Variants in SFXN1 observed in about 807,000 individuals in gnomAD.
The protein encoded by SFXN1 is sideroflexin 1.
In SFXN1, 32 loss-of-function variants were observed where a neutral mutation model predicts 39.5. The ratio of observed to expected loss-of-function variants is 0.81; its 90% confidence interval spans 0.61 to 1.09. The LOEUF (loss-of-function observed/expected upper bound fraction) is 1.09. Among genes scored for constraint, SFXN1 ranks in the 50% least tolerant of loss-of-function variants. SFXN1 has a pLI of 0.00. For synonymous variants in SFXN1, 136 were observed against 146.5 expected, an observed-to-expected ratio of 0.93 and a Z score of 0.52; for missense variants, 402 against 407.1, an observed-to-expected ratio of 0.99 and a Z score of 0.11.
chr5:175,517,952 G>T (rs974969175), intron 8 of SFXN1, among the ~76,000 whole-genome samples: 10 of 152,044 alleles, frequency 6.6e-5, no homozygotes, highest in African/African-American at 2.4e-4. Flanking sequence ...AGACTCCTCC[G>T]CAAACATGAA....
intron 2 of SFXN1, among the ~76,000 whole-genome samples, chr5:175,507,268 T>C (rs1760342569): frequency 6.6e-6 from 1 of 152,120 alleles, no homozygotes; most frequent in Admixed American, 6.6e-5. Flanking sequence ...CCGTTTGGCA[T>C]TTGAACTAAT....
chr5:175,492,298 G>A (rs1759688905), intron 2 of SFXN1, 31 bp downstream of exon 2: 3 of 1,530,848 alleles, frequency 2.0e-6, no homozygotes, highest in Non-Finnish European at 2.6e-6. Flanking sequence ...TTGGTTTAAT[G>A]TATAAATAGA....
At chr5:175,482,160 A>G (rs1759277650) in intron 1 of SFXN1, among the ~76,000 whole-genome samples, 1 of 152,214 alleles carries the variant, frequency 6.6e-6, no homozygotes, top group African/African-American at 2.4e-5. Context: ...GTGTTCCGTC[A>G]TGTCCCCTGG....
rs533884003 is a variant in SFXN1, at chr5:175,485,348, G to T, written c.-10+6709G>T. On this transcript the variant is annotated intron_variant, in intron 1 of 10. Transcript: ENST00000321442. ...GAGGTCAGAAGTCTAGAACAAGTGGGCCTTCCTTCTGGAGGCTCTAGGGCA... is the reference window on the plus strand; with the variant it reads ...GAGGTCAGAAGTCTAGAACAAGTGGTCCTTCCTTCTGGAGGCTCTAGGGCA... 3.3e-5 allele frequency among the ~76,000 whole-genome samples: 5 copies of T among 152,306 alleles called. No homozygotes were observed. The South Asian group carries it at 1.0e-3, about 32-fold the overall frequency.
At chr5:175,526,527 C>T (rs555290467) in intron 10 of SFXN1, 111 bp from the exon 11 acceptor site, 3 of 751,092 alleles carry the variant, frequency 4.0e-6, no homozygotes, top group African/African-American at 1.7e-5. Flanking sequence ...CCAACAAGAC[C>T]CACTGTACCA....
intron 10 of SFXN1, among the ~76,000 whole-genome samples, chr5:175,525,610 ATTTTTTTATTGT>A (rs1761035610): frequency 6.6e-6 from 1 of 151,940 alleles, no homozygotes; most frequent in Non-Finnish European, 1.5e-5. Context: ...ATATTAATCA[ATTTTTTTATTGT>A]TTTTGAGGCA....
intron 10 of SFXN1, 200 bp downstream of exon 10, chr5:175,522,622 T>A (rs1042613293): frequency 2.0e-6 from 1 of 492,826 alleles, no homozygotes; most frequent in South Asian, 3.5e-5. Flanking sequence ...AGCTCTTTTC[T>A]ACCCCCTTCC....
intron 1 of SFXN1, among the ~76,000 whole-genome samples, chr5:175,487,746 G>T (rs11956235): frequency 6.6e-6 from 1 of 152,168 alleles, no homozygotes; most frequent in South Asian, 2.1e-4. Flanking sequence ...TCTGCTGCCC[G>T]CTGGACATCT....
chr5:175,521,882 A>G (rs1163265547), intron 8 of SFXN1, 37 bp from the exon 9 acceptor site: 7 of 1,556,202 alleles, frequency 4.5e-6, no homozygotes, highest in African/African-American at 1.3e-5. Flanking sequence ...AAGACCCTGT[A>G]TAAAAAGTAT....
At chr5:175,507,974 A>AAAATAAAAT (rs1491250710) in intron 2 of SFXN1, among the ~76,000 whole-genome samples, 4 of 34,958 alleles carry the variant, frequency 1.1e-4, no homozygotes, top group African/African-American at 3.4e-4. Flanking sequence ...CCCTGTCTTT[A>AAAATAAAAT]AAAAAAAAAA....
chr5:175,515,753 G>T (rs1179529358), intron 7 of SFXN1, among the ~76,000 whole-genome samples: 6 of 152,290 alleles, frequency 3.9e-5, no homozygotes, highest in South Asian at 2.1e-4. Context: ...TGGACCAGGG[G>T]TCAGGGGGAT....
intron 2 of SFXN1, among the ~76,000 whole-genome samples, chr5:175,498,450 A>G (rs1195572511): frequency 2.6e-5 from 4 of 152,242 alleles, no homozygotes; most frequent in Non-Finnish European, 4.4e-5. Context: ...ATTAAAATCC[A>G]GACGATCTGA....
Position 175,516,677 on chromosome 5 carries a change from C to A in SFXN1, c.774+14C>A. 6.2e-7 allele frequency: 1 copy of A among 1,610,376 alleles called. No individual in the cohort carries two copies. The highest frequency in any genetic ancestry group is 8.5e-7 in the Non-Finnish European group (1 of 1,177,694). On this transcript the variant is annotated intron_variant, in intron 8 of 10. Transcript: ENST00000321442. ...GCCTTTTTGAAGGTAAGCTGTGGTTCTTTTGTCATTTTCTCAACCCTTTTT... is the reference window on the plus strand; with the variant it reads ...GCCTTTTTGAAGGTAAGCTGTGGTTATTTTGTCATTTTCTCAACCCTTTTT...
rs911892602 is a variant in SFXN1 at position 175,527,989 on chromosome 5, G to C, written c.*1255G>C. The C allele has an allele frequency of 6.9e-6, 1 of 145,014 alleles. No homozygotes were observed. Among genetic ancestry groups the C allele is most frequent in the Non-Finnish European group, 1.5e-5 (1 of 67,454 alleles). The allele number at this position is 145,014 out of a possible 1,614,324, so 9.0% of individuals were successfully genotyped here. Reference sequence around the variant, plus strand: ...GGCTGGAGTGCAGTGGCGTAGTCTCGGCTCACTGCAAGCTCCGCCTCCCGG... The same window carrying C: ...GGCTGGAGTGCAGTGGCGTAGTCTCCGCTCACTGCAAGCTCCGCCTCCCGG... On this transcript the variant is annotated 3_prime_UTR_variant, in exon 11 of 11. Transcript: ENST00000321442.
chr5:175,516,320 T>C (rs993499048), intron 7 of SFXN1, among the ~76,000 whole-genome samples: 2 of 152,216 alleles, frequency 1.3e-5, no homozygotes, highest in Non-Finnish European at 2.9e-5. Context: ...AAAAAGTTCC[T>C]GATATTTTTA....
At chr5:175,501,754 G>A (rs1760093071) in intron 2 of SFXN1, among the ~76,000 whole-genome samples, 1 of 152,024 alleles carries the variant, frequency 6.6e-6, no homozygotes, top group South Asian at 2.1e-4. Context: ...TAGTTACTAG[G>A]GAAATGCAAA....
At chr5:175,495,660 C>T (rs1373214818) in intron 2 of SFXN1, among the ~76,000 whole-genome samples, 3 of 149,774 alleles carry the variant, frequency 2.0e-5, no homozygotes, top group Admixed American at 1.3e-4. Flanking sequence ...ACCCGGGAGG[C>T]GGAGGTTGCA....
At chr5:175,524,125 A>AATATATATATATATATATAT (rs771042074) in intron 10 of SFXN1, 1 of 32,516 alleles carries the variant, frequency 3.1e-5, no homozygotes, top group African/African-American at 1.5e-4. Context: ...AAAAAAAAAA[A>AATATATATATATATATATAT]ATATATATAT....
rs1307382024 is a variant in SFXN1, at chr5:175,516,654, CT to C, written c.770del (p.Leu257Ter). 1.9e-6 allele frequency: 3 copies of C among 1,612,980 alleles called. No individual in the cohort carries two copies. The highest frequency in any genetic ancestry group is 2.5e-6 in the Non-Finnish European group (3 of 1,179,564). ...TTATGAACACTTTGGAAAAGAAAGC[CT>C]TTTTGAAGGTAAGCTGTGGTTCTTT... ...FIMNTLEKKA[F>X]LKRFPWMSAP... On this transcript the variant is annotated frameshift_variant, in exon 8 of 11. Transcript: ENST00000321442. LOFTEE classifies it high-confidence loss of function.
Sources: allele counts gnomAD v4.1 joint callset (sites outside exome capture counted in the v4.1 genomes callset), GRCh38; gene constraint gnomAD v4.1.1; transcripts MANE v1.5; gene names NCBI Gene and HGNC (gene_info 2026-07-23, HGNC 2026-07-21).